The following BRI3 variants were observed in gnomAD, a reference collection of about 807,000 sequenced individuals.
The protein encoded by BRI3 is membrane protein BRI3.
BRI3 carries 6 observed loss-of-function variants against 12.8 expected under a neutral mutation model. The observed-to-expected ratio is 0.47, with a 90% CI of 0.26 to 0.93. The LOEUF (loss-of-function observed/expected upper bound fraction) is 0.93, where lower values mean the gene tolerates loss of function less well. Among genes scored for constraint, BRI3 ranks in the 40% least tolerant of loss-of-function variants. The pLI is 0.15. For missense variants in BRI3, 134 were observed against 171.1 expected, an observed-to-expected ratio of 0.78 and a Z score of 1.21; for synonymous variants, 91 against 76.1, an observed-to-expected ratio of 1.20 and a Z score of -1.02.
intron 2 of BRI3, among the ~76,000 whole-genome samples, chr7:98,284,309 G>T (rs1012911294): frequency 6.6e-6 from 1 of 152,214 alleles, no homozygotes; most frequent in Non-Finnish European, 1.5e-5. Context: ...CGCTCTGCCC[G>T]TGGTGCCTTG....
the BRI3 span, chr7:98,315,614 T>TAA: frequency 1.4e-4 from 109 of 771,532 alleles, no homozygotes; most frequent in South Asian, 3.9e-4. Context: ...CTCCACATAC[T>TAA]AAAAAAAAAA....
chr7:98,321,590 CA>C, the BRI3 span, among the ~76,000 whole-genome samples: 4 of 152,174 alleles, frequency 2.6e-5, no homozygotes, highest in African/African-American at 9.7e-5. Context: ...AGCTCTCTGC[CA>C]CCTTTCTACA....
intron 1 of BRI3, among the ~76,000 whole-genome samples, chr7:98,300,425 C>T (rs570264960): frequency 6.6e-6 from 1 of 152,190 alleles, no homozygotes; most frequent in Non-Finnish European, 1.5e-5. Flanking sequence ...GTGACAGTTG[C>T]AGTCCCTCCC....
chr7:98,306,203 G>A (rs538555185), upstream of BRI3, among the ~76,000 whole-genome samples: 3 of 152,292 alleles, frequency 2.0e-5, no homozygotes, highest in Non-Finnish European at 2.9e-5. Context: ...GAGTTTCAGA[G>A]GGCTGCAGGA....
the BRI3 span, among the ~76,000 whole-genome samples, chr7:98,316,956 C>G: frequency 3.1e-5 from 4 of 128,406 alleles, no homozygotes; most frequent in African/African-American, 5.8e-5. Flanking sequence ...CTCTGCCTCC[C>G]AAGTTCAAGC....
At chr7:98,306,922 CT>C (rs1321342603) in intron 1 of BRI3, 21 of 167,352 alleles carry the variant, frequency 1.3e-4, no homozygotes, top group Middle Eastern at 2.8e-3. Context: ...TGGATTACCC[CT>C]TTTTTTTTCC....
At chr7:98,292,813 G>C, downstream of BRI3, 4 of 1,510,370 alleles carry the variant, frequency 2.6e-6, no homozygotes, top group Non-Finnish European at 8.9e-7. Context: ...CCTGTGTCCT[G>C]GATGGGCCGT....
exon 2 of BRI3, chr7:98,307,624 G>A (rs1011655233): frequency 1.3e-6 from 2 of 1,594,420 alleles, no homozygotes; most frequent in Non-Finnish European, 1.7e-6. Flanking sequence ...ACAGTTTGCA[G>A]CTTGGCTGCT....
chr7:98,310,686 CTATT>C (rs3062609), downstream of BRI3: 120 of 802,550 alleles, frequency 1.5e-4, no homozygotes, highest in East Asian at 3.0e-4. Flanking sequence ...AAATAATAGG[CTATT>C]TATTTATTTA....
At chr7:98,317,379 T>G in the BRI3 span, 1 of 1,611,154 alleles carries the variant, frequency 6.2e-7, no homozygotes, top group Non-Finnish European at 8.5e-7. Flanking sequence ...TGGCTGTGCT[T>G]ATTTTACTGT....
downstream of BRI3, among the ~76,000 whole-genome samples, chr7:98,310,898 C>A (rs987232280): frequency 6.6e-6 from 1 of 151,964 alleles, no homozygotes; most frequent in Non-Finnish European, 1.5e-5. Context: ...GTTAGCCAGG[C>A]TGGTCTCAAA....
chr7:98,293,462 G>A (rs1259334502), downstream of BRI3: 3 of 1,498,922 alleles, frequency 2.0e-6, no homozygotes, highest in Non-Finnish European at 2.8e-6. Context: ...CAGACAGGAT[G>A]CGCCCATCAT....
Position 98,300,470 on chromosome 7 carries a change from A to G in BRI3, c.72-6013A>G, listed in dbSNP as rs553314337. ...TTTGCAGTCTGCATAGGATGTTAGA[A>G]TAACAGCATGCAGATGACCGCGCCA... On this transcript the variant is annotated intron_variant and NMD_transcript_variant, in intron 1 of 2. Transcript: ENST00000491463. 1.6e-4 allele frequency among the ~76,000 whole-genome samples: 25 copies of G among 152,362 alleles called. No homozygotes were observed. In the South Asian group the frequency reaches 2.1e-3, roughly 13 times the overall value.
In BRI3 at chr7:98,291,406, T is replaced by C. The variant is rs954914784; in HGVS notation, c.*163T>C. On this transcript the variant is annotated 3_prime_UTR_variant, in exon 3 of 3. Transcript: ENST00000297290. The stretch of plus-strand genomic sequence containing the variant: ...GGTTTCCCGGAGCGTGGAGAGGCAG[T>C]GCTGCTGCTCCCGCCCGAGGCTCAT... 107 of 1,452,634 alleles carry C rather than the reference T, an allele frequency of 7.4e-5. No individual in the cohort carries two copies. Among genetic ancestry groups the C allele is most frequent in the Middle Eastern group, 2.6e-4 (1 of 3,892 alleles). 90.0% of individuals were successfully genotyped at this position (1,452,634 alleles called of 1,614,324 possible).
At chr7:98,309,587 T>C (rs539958978) in exon 2 of BRI3, 1 of 152,440 alleles carries the variant, frequency 6.6e-6, no homozygotes, top group South Asian at 2.1e-4. Flanking sequence ...GGCAAATGCC[T>C]GCAGACCATC....
chr7:98,292,374 A>G, downstream of BRI3: 1 of 439,464 alleles, frequency 2.3e-6, no homozygotes, highest in Non-Finnish European at 4.1e-6. Context: ...ACACCTGTCT[A>G]ATTTTTGTAT....
chr7:98,282,021 G>A (rs1302452378), intron 1 of BRI3, 84 bp downstream of exon 1: 6 of 1,303,130 alleles, frequency 4.6e-6, no homozygotes, highest in African/African-American at 1.6e-5. Flanking sequence ...GGCGGGTGGG[G>A]CCCGCCCGGG....
chr7:98,307,907 G>C, exon 2 of BRI3: 8 of 1,613,870 alleles, frequency 5.0e-6, no homozygotes, highest in African/African-American at 1.3e-5. Context: ...CTGTTGGAGG[G>C]AGTGTAGCAG....
downstream of BRI3, among the ~76,000 whole-genome samples, chr7:98,311,709 C>T (rs1800877737): frequency 6.6e-6 from 1 of 151,754 alleles, no homozygotes; most frequent in African/African-American, 2.4e-5. Context: ...AGTTTGAGAC[C>T]AGCCTGACCA....
Sources: allele counts gnomAD v4.1 joint callset (sites outside exome capture counted in the v4.1 genomes callset), GRCh38; gene constraint gnomAD v4.1.1; transcripts MANE v1.5; gene names NCBI Gene and HGNC (gene_info 2026-07-23, HGNC 2026-07-21).